The following KLHL32 variants were observed in gnomAD, a reference collection of about 807,000 sequenced individuals.
KLHL32 encodes the protein kelch-like protein 32.
A neutral mutation model predicts 64.8 loss-of-function variants in KLHL32; 35 were observed. That is an observed-to-expected ratio of 0.54 (90% CI 0.41 to 0.72). KLHL32 has a LOEUF of 0.72. Among genes scored for constraint, KLHL32 ranks in the 30% least tolerant of loss-of-function variants. The pLI, the probability that KLHL32 is intolerant of heterozygous loss-of-function variation, is 0.00. For synonymous variants in KLHL32, 259 were observed against 281.0 expected (o/e 0.92, Z 0.78); for missense variants, 589 against 768.5 (o/e 0.77, Z 2.76).
intron 10 of KLHL32, among the ~76,000 whole-genome samples, chr6:97,138,442 G>A (rs1031497636): frequency 1.4e-4 from 22 of 152,094 alleles, no homozygotes; most frequent in African/African-American, 4.8e-4. Context: ...AGGAGGGTGA[G>A]GCAGGAGGAT....
At chr6:97,000,691 A>G (rs1386709319) in intron 3 of KLHL32, among the ~76,000 whole-genome samples, 1 of 152,236 alleles carries the variant, frequency 6.6e-6, no homozygotes, top group Non-Finnish European at 1.5e-5. Context: ...TCCTGTCACT[A>G]TTACTTTGGG....
intron 6 of KLHL32, among the ~76,000 whole-genome samples, chr6:97,092,277 C>T (rs1158904238): frequency 6.6e-6 from 1 of 152,322 alleles, no homozygotes; most frequent in Admixed American, 6.5e-5. Flanking sequence ...GCGTGAGCCA[C>T]CGTGCCCGGC....
At chr6:96,999,571 AT>A (rs1178650642) in intron 3 of KLHL32, 9 of 959,680 alleles carry the variant, frequency 9.4e-6, no homozygotes, top group Non-Finnish European at 1.1e-5. Context: ...TATTAGGACC[AT>A]TTTTTCCCTG....
chr6:96,911,177 C>T, the KLHL32 span, among the ~76,000 whole-genome samples: 36 of 152,310 alleles, frequency 2.4e-4, no homozygotes, highest in African/African-American at 6.0e-4. Flanking sequence ...ATCCAGCTGC[C>T]AGGATGGCAT....
At chr6:96,934,462 A>C (rs2206568) in intron 1 of KLHL32, among the ~76,000 whole-genome samples, 44,287 of 151,674 alleles carry the variant, frequency 0.29, 6,586 homozygotes, top group Admixed American at 0.36. Context: ...ACAACAACAA[A>C]AAAATAGCAA....
At chr6:96,966,147 A>G (rs1004854745) in intron 1 of KLHL32, among the ~76,000 whole-genome samples, 1 of 152,220 alleles carries the variant, frequency 6.6e-6, no homozygotes, top group Non-Finnish European at 1.5e-5. Context: ...TTCCAAAATA[A>G]AATTGAGACA....
intron 3 of KLHL32, among the ~76,000 whole-genome samples, chr6:96,977,362 T>C (rs1582551614): frequency 6.6e-6 from 1 of 152,226 alleles, no homozygotes; most frequent in South Asian, 2.1e-4. Context: ...ACGAGTGTGA[T>C]AGTCTGCTTC....
intron 4 of KLHL32, among the ~76,000 whole-genome samples, chr6:97,046,660 T>G (rs1249741328): frequency 6.6e-6 from 1 of 152,196 alleles, no homozygotes; most frequent in East Asian, 1.9e-4. Flanking sequence ...ATTTTCCCTT[T>G]GAGACATGGA....
chr6:97,104,259 T>C (rs1408260388), intron 6 of KLHL32, among the ~76,000 whole-genome samples: 1 of 152,224 alleles, frequency 6.6e-6, no homozygotes, highest in East Asian at 1.9e-4. Flanking sequence ...GGAACTTACA[T>C]GTGGCAGGTC....
intron 6 of KLHL32, among the ~76,000 whole-genome samples, chr6:97,085,805 A>C (rs1793325498): frequency 6.6e-6 from 1 of 152,194 alleles, no homozygotes; most frequent in Non-Finnish European, 1.5e-5. Flanking sequence ...AATGAAATGA[A>C]GCTCTTCTTG....
intron 1 of KLHL32, among the ~76,000 whole-genome samples, chr6:96,957,742 A>C (rs907336850): frequency 6.6e-6 from 1 of 152,184 alleles, no homozygotes; most frequent in Non-Finnish European, 1.5e-5. Context: ...TGTGACTGGA[A>C]GAACTTACAC....
rs932473541 is a variant in KLHL32 at position 97,128,613 on chromosome 6, G to C, written c.1413+1151G>C. 3.9e-5 allele frequency among the ~76,000 whole-genome samples: 6 copies of C among 152,154 alleles called. 1 individual carries two copies. The highest frequency in any genetic ancestry group is 1.3e-4 in the Admixed American group (2 of 15,286). On this transcript the variant is annotated intron_variant, in intron 8 of 10. Transcript: ENST00000369261. ...GCCCTGGTGCTTATTTCTCTTCTAG[G>C]CCTTTGTGGAGAGTCGATAATGCCT...
At chr6:96,988,575 A>T (rs1415886452) in intron 3 of KLHL32, among the ~76,000 whole-genome samples, 1 of 152,152 alleles carries the variant, frequency 6.6e-6, no homozygotes, top group Non-Finnish European at 1.5e-5. Context: ...AACTAGAAAT[A>T]CCATTTGACC....
the KLHL32 span, among the ~76,000 whole-genome samples, chr6:96,912,352 T>G: frequency 6.6e-6 from 1 of 152,168 alleles, no homozygotes; most frequent in Non-Finnish European, 1.5e-5. Flanking sequence ...AGATAAACCT[T>G]GCTTCTCAGT....
intron 5 of KLHL32, among the ~76,000 whole-genome samples, chr6:97,072,285 A>T (rs1790871446): frequency 6.6e-6 from 1 of 152,158 alleles, no homozygotes; most frequent in African/African-American, 2.4e-5. Context: ...TTATGGACTA[A>T]AGCAACTTCT....
chr6:97,128,051 CA>C (rs1373531565), intron 8 of KLHL32, among the ~76,000 whole-genome samples: 6 of 152,150 alleles, frequency 3.9e-5, no homozygotes, highest in Non-Finnish European at 5.9e-5. Flanking sequence ...TGAACCTTGG[CA>C]ATTGCCTGCT....
At chr6:97,043,248 C>A (rs1785399391) in intron 4 of KLHL32, among the ~76,000 whole-genome samples, 1 of 152,164 alleles carries the variant, frequency 6.6e-6, no homozygotes, top group Non-Finnish European at 1.5e-5. Context: ...CCTTTGGTAA[C>A]CATCATTCTA....
At chr6:97,123,641 A>G (rs1385173434) in intron 7 of KLHL32, among the ~76,000 whole-genome samples, 1 of 152,232 alleles carries the variant, frequency 6.6e-6, no homozygotes, top group Admixed American at 6.5e-5. Context: ...ATGAGATGGC[A>G]TATTTAATGA....
Position 97,139,128 on chromosome 6 carries a change from A to C in KLHL32, c.1709A>C (p.Asp570Ala). The stretch of plus-strand genomic sequence containing the variant: ...TCTCTTCCTCTTTTGTAGGTACTGG[A>C]TGTAAGCAGAGAAGGCAAAGAAGAA... ...NEPLACIQVL[D>A]VSREGKEEVF... Residue 570 changes from aspartate (D) to alanine (A), a missense_variant, in exon 11 of 11, where the codon GAT (aspartate) becomes GCT (alanine). Asp to Ala is a moderately radical substitution (Grantham distance 126). Around this residue, in one of 3 missense-constraint regions of KLHL32, gnomAD observed 172 missense variants for 192.0 expected, o/e 0.90. Transcript: ENST00000369261. The C allele has an allele frequency of 6.2e-7, 1 of 1,613,584 alleles. No individual in the cohort carries two copies. Among genetic ancestry groups the C allele is most frequent in the South Asian group, 1.1e-5 (1 of 90,944 alleles).
Sources: gnomAD v4.1 joint callset for allele counts (sites outside exome capture counted in the v4.1 genomes callset) on GRCh38, gnomAD v4.1.1 for gene constraint, gnomAD v4.1.1 regional missense constraint, MANE v1.5 for transcripts, NCBI Gene and HGNC (gene_info 2026-07-23, HGNC 2026-07-21) for gene names.